The following PSD3 variants were observed in gnomAD, a reference collection of about 807,000 sequenced individuals.
PSD3 encodes the protein pleckstrin and Sec7 domain containing 3.
PSD3 carries 49 observed loss-of-function variants against 105.5 expected under a neutral mutation model. The observed-to-expected ratio is 0.46, with a 90% confidence interval of 0.37 to 0.59. The LOEUF is 0.59. Ranked by LOEUF, PSD3 falls within the 20% of genes least tolerant of loss-of-function variation. PSD3 has a pLI of 0.00. For missense variants in PSD3, 1,561 were observed against 1,263.8 expected (o/e 1.24, Z -3.57); for synonymous variants, 557 against 457.8 (o/e 1.22, Z -2.77).
At chr8:19,042,428 T>C (rs1349218010) in intron 1 of PSD3, among the ~76,000 whole-genome samples, 1 of 152,170 alleles carries the variant, frequency 6.6e-6, no homozygotes, top group Non-Finnish European at 1.5e-5. Context: ...TAAATCTAGG[T>C]CCATTATATA....
chr8:18,737,581 T>G (rs1007007004), intron 9 of PSD3, among the ~76,000 whole-genome samples: 1 of 152,282 alleles, frequency 6.6e-6, no homozygotes, highest in Admixed American at 6.5e-5. Flanking sequence ...GGATTACAGG[T>G]GTGAGTCACT....
chr8:18,655,753 G>A (rs905752151), intron 9 of PSD3, 68 bp from the exon 10 acceptor site: 10 of 1,456,058 alleles, frequency 6.9e-6, no homozygotes, highest in Non-Finnish European at 3.8e-6. Flanking sequence ...TTCAGCAAAT[G>A]ACCAAGTAAT....
At chr8:18,764,810 A>G (rs1390946187) in intron 9 of PSD3, among the ~76,000 whole-genome samples, 1 of 152,208 alleles carries the variant, frequency 6.6e-6, no homozygotes, top group Non-Finnish European at 1.5e-5. Context: ...ATCTTACCCT[A>G]CAACCCCCCA....
intron 1 of PSD3, among the ~76,000 whole-genome samples, chr8:18,941,032 A>G (rs1282207759): frequency 2.6e-5 from 4 of 152,208 alleles, no homozygotes; most frequent in African/African-American, 9.6e-5. Flanking sequence ...ATAAATTTTT[A>G]CTGATCTCTC....
intron 4 of PSD3, among the ~76,000 whole-genome samples, chr8:18,811,830 C>T (rs2638658): frequency 0.51 from 77,241 of 151,886 alleles, 21,977 homozygotes; most frequent in Non-Finnish European, 0.65. Context: ...ATTTTCTCGA[C>T]TCAGAGTCTT....
At chr8:18,643,963 C>A (rs1420826956) in intron 10 of PSD3, among the ~76,000 whole-genome samples, 1 of 152,196 alleles carries the variant, frequency 6.6e-6, no homozygotes, top group African/African-American at 2.4e-5. Flanking sequence ...GCTGGGGTAG[C>A]CAAGGAATGC....
chr8:18,575,965 C>T (rs189074820), intron 12 of PSD3, among the ~76,000 whole-genome samples: 2 of 152,270 alleles, frequency 1.3e-5, no homozygotes, highest in African/African-American at 4.8e-5. Context: ...CTTCCTCCTT[C>T]CCATATTTTA....
At chr8:19,053,487 A>C (rs1828600656) in intron 1 of PSD3, among the ~76,000 whole-genome samples, 3 of 152,168 alleles carry the variant, frequency 2.0e-5, no homozygotes. Flanking sequence ...ACTTGGAAAA[A>C]CATCTGAAGC....
intron 1 of PSD3, among the ~76,000 whole-genome samples, chr8:18,996,240 T>C (rs550087680): frequency 6.6e-6 from 1 of 152,076 alleles, no homozygotes; most frequent in South Asian, 2.1e-4. Context: ...TGTGATCTTA[T>C]ACATGCTTAA....
intron 14 of PSD3, among the ~76,000 whole-genome samples, chr8:18,568,380 G>A (rs983150345): frequency 2.6e-5 from 4 of 152,088 alleles, no homozygotes; most frequent in Non-Finnish European, 5.9e-5. Context: ...CTGCTTCTGA[G>A]CTCTGGCCAC....
rs1808134924 is a variant in PSD3 at position 18,776,745 on chromosome 8, G to A, written c.2083-11207C>T. Among the ~76,000 whole-genome samples the A allele has an allele frequency of 2.0e-5, 3 of 152,230 alleles. No individual in the cohort carries two copies. In the South Asian group the frequency reaches 6.2e-4, roughly 32 times the overall value. ...CAGATCATGAGCTTCCCTTTGATGG[G>A]AGACCATTTTATTAGTGCTTTGATC... On this transcript the variant is annotated intron_variant, in intron 8 of 15. Transcript: ENST00000327040.
chr8:18,649,645 C>A (rs762510291), intron 10 of PSD3, among the ~76,000 whole-genome samples: 2 of 152,098 alleles, frequency 1.3e-5, no homozygotes, highest in African/African-American at 2.4e-5. Context: ...ATTTTAGAGG[C>A]GCCAGGGATG....
At chr8:18,869,658 C>T (rs1180526235) in intron 3 of PSD3, among the ~76,000 whole-genome samples, 1 of 152,232 alleles carries the variant, frequency 6.6e-6, no homozygotes, top group African/African-American at 2.4e-5. Flanking sequence ...GGCTGGCAAA[C>T]TCTTTCCTTC....
At chr8:18,673,979 A>C (rs556036951) in intron 9 of PSD3, among the ~76,000 whole-genome samples, 1 of 152,088 alleles carries the variant, frequency 6.6e-6, no homozygotes, top group African/African-American at 2.4e-5. Context: ...CTATCTCTAC[A>C]AAAAAATTAA....
chr8:18,822,611 C>G, intron 4 of PSD3, among the ~76,000 whole-genome samples: 1 of 152,222 alleles, frequency 6.6e-6, no homozygotes, highest in African/African-American at 2.4e-5. Flanking sequence ...TCTCTGCCTC[C>G]TGACCTAAAT....
At chr8:18,982,515 T>C (rs141199810) in intron 1 of PSD3, among the ~76,000 whole-genome samples, 2 of 152,306 alleles carry the variant, frequency 1.3e-5, no homozygotes, top group Middle Eastern at 3.4e-3. Flanking sequence ...CTATAGCAGC[T>C]ACAGACTTAT....
At chr8:18,776,383 ATTTT>A (rs764807241) in intron 8 of PSD3, among the ~76,000 whole-genome samples, 2 of 123,872 alleles carry the variant, frequency 1.6e-5, no homozygotes, top group South Asian at 4.9e-4. Context: ...TATATATATA[ATTTT>A]TTTTTTTTGT....
At chr8:18,543,630 A>C (rs540501818) in intron 15 of PSD3, among the ~76,000 whole-genome samples, 4 of 152,026 alleles carry the variant, frequency 2.6e-5, no homozygotes, top group African/African-American at 4.8e-5. Context: ...AAACAAAAAA[A>C]AAAACAACAA....
At chr8:19,035,745 G>T (rs1230973989) in intron 1 of PSD3, among the ~76,000 whole-genome samples, 3 of 150,332 alleles carry the variant, frequency 2.0e-5, no homozygotes, top group Non-Finnish European at 4.4e-5. Context: ...ATGAAAACAG[G>T]TATACTTTTT....
Sources: allele counts gnomAD v4.1 joint callset (sites outside exome capture counted in the v4.1 genomes callset), GRCh38; gene constraint gnomAD v4.1.1; transcripts MANE v1.5; gene names NCBI Gene and HGNC (gene_info 2026-07-23, HGNC 2026-07-21).